The following ADGRL2 variants were observed in gnomAD, a reference collection of about 807,000 sequenced individuals.
ADGRL2 encodes adhesion G protein-coupled receptor L2.
In ADGRL2, 44 loss-of-function variants were observed where a neutral mutation model predicts 157.4. The ratio of observed to expected loss-of-function variants is 0.28; its 90% CI spans 0.22 to 0.36. ADGRL2 has a LOEUF of 0.36. Ranked by LOEUF, ADGRL2 falls within the 10% of genes least tolerant of loss-of-function variation. The pLI is 1.00. For missense variants in ADGRL2, 1,510 were observed against 1,768.9 expected (o/e 0.85, Z 2.63); for synonymous variants, 585 against 624.7 (o/e 0.94, Z 0.95).
chr1:81,330,445 T>C (rs1263947021), intron 1 of ADGRL2, among the ~76,000 whole-genome samples: 2 of 152,144 alleles, frequency 1.3e-5, no homozygotes, highest in African/African-American at 4.8e-5. Flanking sequence ...CTGGGGAACA[T>C]ACAGAGAACA....
At chr1:81,632,419 AG>A (rs1232958622) in intron 3 of ADGRL2, among the ~76,000 whole-genome samples, 1 of 152,172 alleles carries the variant, frequency 6.6e-6, no homozygotes, top group Non-Finnish European at 1.5e-5. Flanking sequence ...AGAGGGAAGA[AG>A]GGCAAAGGCT....
intron 3 of ADGRL2, among the ~76,000 whole-genome samples, chr1:81,644,786 G>A (rs1024986037): frequency 2.0e-5 from 3 of 152,166 alleles, no homozygotes; most frequent in Non-Finnish European, 4.4e-5. Context: ...AATGGAGAAA[G>A]TTACACATGT....
chr1:81,946,950 G>A (rs1178022786), intron 6 of ADGRL2, among the ~76,000 whole-genome samples: 1 of 152,080 alleles, frequency 6.6e-6, no homozygotes, highest in Non-Finnish European at 1.5e-5. Context: ...GGAAAACCCT[G>A]GTAATCAATA....
intron 2 of ADGRL2, among the ~76,000 whole-genome samples, chr1:81,454,563 A>C (rs1385130676): frequency 2.6e-5 from 4 of 152,196 alleles, no homozygotes; most frequent in African/African-American, 9.7e-5. Flanking sequence ...ACTTAGCCTT[A>C]ATGCAGTCTT....
At chr1:81,707,449 C>A (rs571707256) in intron 1 of ADGRL2, among the ~76,000 whole-genome samples, 2 of 152,204 alleles carry the variant, frequency 1.3e-5, no homozygotes, top group East Asian at 1.9e-4. Flanking sequence ...TGATGATAAT[C>A]CTTTCACGTA....
chr1:81,936,936 AAACCAT>A, intron 4 of ADGRL2, 99 bp downstream of exon 4: 1 of 737,374 alleles, frequency 1.4e-6, no homozygotes, highest in Admixed American at 1.9e-5. Context: ...ATGGCCTACA[AAACCAT>A]TATGTATGCA....
chr1:81,987,442 G>C, intron 22 of ADGRL2: 1 of 805,324 alleles, frequency 1.2e-6, no homozygotes, highest in Non-Finnish European at 2.3e-6. Flanking sequence ...TGGATGCCTA[G>C]CTATAGAAAA....
chr1:81,941,364 ATT>A (rs996760705), intron 4 of ADGRL2, among the ~76,000 whole-genome samples: 21 of 151,686 alleles, frequency 1.4e-4, no homozygotes, highest in Admixed American at 4.6e-4. Flanking sequence ...ATATTGATAT[ATT>A]CCTAAAGAGG....
At chr1:81,843,213 A>G (rs987840705) in intron 2 of ADGRL2, among the ~76,000 whole-genome samples, 4 of 152,192 alleles carry the variant, frequency 2.6e-5, no homozygotes, top group African/African-American at 7.2e-5. Context: ...GCTCACTGCA[A>G]CCTCGGCCTC....
chr1:81,557,691 T>C (rs938859080), intron 2 of ADGRL2: 2 of 152,108 alleles, frequency 1.3e-5, no homozygotes, highest in African/African-American at 4.8e-5. Flanking sequence ...CATCGCAGGA[T>C]AACTCCAATT....
chr1:81,357,328 C>T (rs1663389263), intron 1 of ADGRL2, among the ~76,000 whole-genome samples: 2 of 152,092 alleles, frequency 1.3e-5, no homozygotes, highest in African/African-American at 4.8e-5. Context: ...TGTAAATATC[C>T]TACACCTGGA....
chr1:81,325,542 A>T (rs943723665), intron 1 of ADGRL2, among the ~76,000 whole-genome samples: 5 of 152,220 alleles, frequency 3.3e-5, no homozygotes, highest in African/African-American at 1.2e-4. Context: ...GATTGCATCA[A>T]GCAGCTATTG....
upstream of ADGRL2, among the ~76,000 whole-genome samples, chr1:81,799,278 G>A (rs1312112059): frequency 2.7e-5 from 4 of 148,760 alleles, no homozygotes; most frequent in African/African-American, 9.8e-5. Context: ...ATTATGTTAT[G>A]TAAGAAATTC....
intron 1 of ADGRL2, among the ~76,000 whole-genome samples, chr1:81,748,690 T>TG (rs2085392661): frequency 6.6e-6 from 1 of 151,922 alleles, no homozygotes; most frequent in Admixed American, 6.6e-5. Context: ...TTTTTTGAGA[T>TG]GAAGTCTCAC....
chr1:81,975,263 C>T (rs1327025), intron 17 of ADGRL2, among the ~76,000 whole-genome samples: 33,791 of 152,034 alleles, frequency 0.22, 4,092 homozygotes, highest in Admixed American at 0.26. Context: ...AATTGAGTAA[C>T]TGCATGTACT....
intron 3 of ADGRL2, 62 bp downstream of exon 3, chr1:81,907,292 C>T (rs1053309914): frequency 1.4e-5 from 20 of 1,412,944 alleles, no homozygotes; most frequent in African/African-American, 4.2e-5. Flanking sequence ...AAAATTATTA[C>T]AGTTATTCCA....
chr1:81,525,088 A>G (rs879495065), intron 2 of ADGRL2, among the ~76,000 whole-genome samples: 7 of 152,140 alleles, frequency 4.6e-5, no homozygotes, highest in Non-Finnish European at 1.0e-4. Context: ...TGAGGTCATC[A>G]CTATTCAAAA....
intron 3 of ADGRL2, among the ~76,000 whole-genome samples, chr1:81,651,625 C>T (rs1352165615): frequency 6.6e-6 from 1 of 152,144 alleles, no homozygotes; most frequent in African/African-American, 2.4e-5. Flanking sequence ...CTCAATCATC[C>T]TTTAGACCTA....
intron 3 of ADGRL2, among the ~76,000 whole-genome samples, chr1:81,596,857 G>A (rs17106772): frequency 0.037 from 5,669 of 152,100 alleles, 315 homozygotes; most frequent in African/African-American, 0.13. Flanking sequence ...TGGCTTTTGG[G>A]TGATGAGTGG....
Sources: allele counts gnomAD v4.1 joint callset (sites outside exome capture counted in the v4.1 genomes callset), GRCh38; gene constraint gnomAD v4.1.1; transcripts MANE v1.5; gene names NCBI Gene and HGNC (gene_info 2026-07-23, HGNC 2026-07-21).